The following TTC21B variants were observed in gnomAD, a reference collection of about 807,000 sequenced individuals.
The protein encoded by TTC21B is tetratricopeptide repeat protein 21B.
In TTC21B, 127 loss-of-function variants were observed where a neutral mutation model predicts 175.1. The observed-to-expected ratio is 0.73, with a 90% CI of 0.63 to 0.84. The LOEUF (loss-of-function observed/expected upper bound fraction) is 0.84, where lower values mean the gene tolerates loss of function less well. Ranked by LOEUF, TTC21B falls within the 40% of genes least tolerant of loss-of-function variation. The pLI is 0.00. For synonymous variants in TTC21B, 524 were observed against 524.5 expected (o/e 1.00, Z 0.01); for missense variants, 1,561 against 1,558.3 (o/e 1.00, Z -0.03).
At chr2:165,886,143 AAC>A (rs1420984258) in intron 25 of TTC21B, among the ~76,000 whole-genome samples, 2 of 152,120 alleles carry the variant, frequency 1.3e-5, no homozygotes, top group Non-Finnish European at 2.9e-5. Context: ...CTTCCTCTGA[AAC>A]ACATTGTCTT....
At position 165,924,621 on chromosome 2, in the gene TTC21B, C is replaced by A; in HGVS notation, c.1444G>T (p.Glu482Ter). 1 of 1,613,706 alleles carries A rather than the reference C, an allele frequency of 6.2e-7. No homozygotes were observed. Among genetic ancestry groups the A allele is most frequent in the Non-Finnish European group, 8.5e-7 (1 of 1,179,802 alleles). The change falls in exon 12 of 29, where the codon GAG (glutamate) becomes TAG (stop). Residue 482 changes from glutamate (E) to a stop codon, truncating the protein, a stop_gained. Transcript: ENST00000243344. LOFTEE classifies it high-confidence loss of function. ...CCTGGAACAGTTCTTACTACAGTCT[C>A]CAGGACTGAGATGCAACGCCTGAGA... The part of the protein sequence containing the change: ...PLLRRCISVL[E>*]TVVRTVPGLL...
intron 3 of TTC21B, 53 bp from the exon 4 acceptor site, chr2:165,945,743 A>G: frequency 6.4e-7 from 1 of 1,572,152 alleles, no homozygotes; most frequent in Non-Finnish European, 8.7e-7. Flanking sequence ...TCAGGTATTT[A>G]TAATAGGTCA....
At chr2:165,942,911 T>C (rs902395619) in intron 5 of TTC21B, among the ~76,000 whole-genome samples, 3 of 152,250 alleles carry the variant, frequency 2.0e-5, no homozygotes, top group African/African-American at 7.2e-5. Context: ...TCAGGGTTTC[T>C]AATATCTAGA....
chr2:165,892,396 G>A (rs573377974), intron 22 of TTC21B, among the ~76,000 whole-genome samples: 1 of 152,176 alleles, frequency 6.6e-6, no homozygotes, highest in African/African-American at 2.4e-5. Flanking sequence ...GACTCAAACA[G>A]GTATTCGTAC....
intron 24 of TTC21B, among the ~76,000 whole-genome samples, chr2:165,889,354 G>T (rs1047143637): frequency 6.6e-6 from 1 of 151,920 alleles, no homozygotes; most frequent in African/African-American, 2.4e-5. Context: ...TCCTCCTCCA[G>T]ACCCCTTAAA....
intron 1 of TTC21B, among the ~76,000 whole-genome samples, chr2:165,951,037 C>T (rs528878574): frequency 6.6e-6 from 1 of 152,140 alleles, no homozygotes; most frequent in East Asian, 1.9e-4. Flanking sequence ...TCCCTAACCT[C>T]CTTTTTAGCC....
rs116057621 is a variant in TTC21B, at chr2:165,927,549, C to T, written c.1386+1586G>A. Among the ~76,000 whole-genome samples, 1,304 of 150,556 alleles carry T rather than the reference C, an allele frequency of 8.7e-3. 21 individuals are homozygous for T. The highest frequency in any genetic ancestry group is 0.03 in the African/African-American group (1,243 of 40,922). ...CTGTCTCCTCCTGTTGGAATACATG[C>T]TTCAGGGGAAAGGAATGTAGTTTGT... On this transcript the variant is annotated intron_variant, in intron 11 of 28. Coordinates refer to ENST00000243344, the MANE Select transcript of TTC21B (RefSeq NM_024753.5).
intron 28 of TTC21B, among the ~76,000 whole-genome samples, chr2:165,875,537 A>G (rs1684640348): frequency 6.6e-6 from 1 of 152,172 alleles, no homozygotes; most frequent in African/African-American, 2.4e-5. Context: ...GTATATATAA[A>G]GAGACTCTAC....
intron 19 of TTC21B, among the ~76,000 whole-genome samples, chr2:165,904,438 C>T (rs572055374): frequency 5.9e-5 from 9 of 152,278 alleles, no homozygotes; most frequent in South Asian, 2.1e-4. Context: ...TGGGTATGCA[C>T]GCACATGCAT....
At chr2:165,899,658 T>C in intron 21 of TTC21B, 112 bp downstream of exon 21, 1 of 733,568 alleles carries the variant, frequency 1.4e-6, no homozygotes, top group Middle Eastern at 2.6e-4. Context: ...TGTTATTTCT[T>C]CCAAAAGCCA....
rs1387705768 is a variant in TTC21B, at chr2:165,883,795, C to G, written c.3683G>C (p.Arg1228Thr). Residue 1228 changes from arginine (R) to threonine (T), a missense_variant and splice_region_variant, in exon 26 of 29, where the codon AGA becomes ACA. Coordinates refer to ENST00000243344, the MANE Select transcript of TTC21B (RefSeq NM_024753.5). ...ATTTTTTACTCTTCAATCACCTACT[C>G]TATTATGACGCAGGCACCGTTTTAA... is the stretch of plus-strand genomic sequence containing the variant. ...DLLKRCLRHN[R>T]SCCKAYEYMG... 2 of 1,611,766 alleles carry G rather than the reference C, an allele frequency of 1.2e-6. No individual in the cohort carries two copies. The highest frequency in any genetic ancestry group is 2.7e-5 in the African/African-American group (2 of 74,866).
Position 165,933,046 on chromosome 2 carries a change from T to C in TTC21B, c.722A>G (p.Gln241Arg). 6.2e-7 allele frequency: 1 copy of C among 1,612,576 alleles called. No individual in the cohort carries two copies. Among genetic ancestry groups the C allele is most frequent in the Non-Finnish European group, 8.5e-7 (1 of 1,179,326 alleles). Reference sequence around the variant, plus strand: ...CAGTGCTTCCACATTTTGGCTATCTTGGAGCAGCAACCTGCAGGAAAACAA... The same window carrying C: ...CAGTGCTTCCACATTTTGGCTATCTCGGAGCAGCAACCTGCAGGAAAACAA... ...TVETAQRLLL[Q>R]DSQNVEALRM... is the part of the protein sequence containing the mutation. The change falls in exon 7 of 29, where the codon CAA (glutamine) becomes CGA (arginine). Residue 241 changes from glutamine to arginine, a missense_variant. By Grantham distance (43) the Gln-to-Arg change is conservative (BLOSUM62 1). Coordinates refer to ENST00000243344, the MANE Select transcript of TTC21B (RefSeq NM_024753.5).
intron 12 of TTC21B, 90 bp downstream of exon 12, chr2:165,924,459 T>C (rs1686545355): frequency 8.0e-7 from 1 of 1,257,462 alleles, no homozygotes; most frequent in African/African-American, 1.5e-5. Context: ...ATGTGACTAT[T>C]CTCTATATAT....
chr2:165,891,471 T>C (rs917978111), intron 22 of TTC21B, among the ~76,000 whole-genome samples: 2 of 152,170 alleles, frequency 1.3e-5, no homozygotes, highest in Non-Finnish European at 2.9e-5. Flanking sequence ...AGTCTCTCTT[T>C]GATATGTACA....
chr2:165,903,299 C>T (rs1458943899), intron 19 of TTC21B, among the ~76,000 whole-genome samples: 3 of 152,016 alleles, frequency 2.0e-5, no homozygotes, highest in Non-Finnish European at 4.4e-5. Context: ...TGGAATGGCT[C>T]ATAGGCATTA....
intron 17 of TTC21B, among the ~76,000 whole-genome samples, 179 bp downstream of exon 17, chr2:165,912,335 A>G (rs542314652): frequency 3.3e-5 from 5 of 152,328 alleles, no homozygotes; most frequent in African/African-American, 1.2e-4. Flanking sequence ...ATCACCACGA[A>G]ATGAAGCAAT....
chr2:165,948,637 CTTCT>C (rs1687662535), intron 3 of TTC21B: 1 of 152,194 alleles, frequency 6.6e-6, no homozygotes, highest in South Asian at 2.1e-4. Flanking sequence ...AACACTACTT[CTTCT>C]TTATTACATA....
chr2:165,906,583 C>G (rs1685742134), intron 19 of TTC21B, among the ~76,000 whole-genome samples: 1 of 152,018 alleles, frequency 6.6e-6, no homozygotes, highest in South Asian at 2.1e-4. Flanking sequence ...AATGATCAGT[C>G]TGAAATCTAT....
intron 6 of TTC21B, among the ~76,000 whole-genome samples, chr2:165,937,637 A>G (rs1687199879): frequency 6.6e-6 from 1 of 152,098 alleles, no homozygotes; most frequent in Non-Finnish European, 1.5e-5. Context: ...TGGTGTATCT[A>G]TGTGAATAGG....
Sources: allele counts gnomAD v4.1 joint callset (sites outside exome capture counted in the v4.1 genomes callset), GRCh38; gene constraint gnomAD v4.1.1; transcripts MANE v1.5; gene names NCBI Gene and HGNC (gene_info 2026-07-23, HGNC 2026-07-21).